Variants in COL24A1 observed in about 807,000 individuals in gnomAD.
The protein encoded by COL24A1 is collagen type XXIV alpha 1 chain, also known as collagen alpha-1(XXIV) chain.
In COL24A1, 224 loss-of-function variants were observed where a neutral mutation model predicts 253.9. The ratio of observed to expected loss-of-function variants is 0.88; its 90% confidence interval spans 0.79 to 0.99. The LOEUF (loss-of-function observed/expected upper bound fraction) is 0.99, where lower values mean the gene tolerates loss of function less well. COL24A1 is among the 50% of genes least tolerant of loss of function. COL24A1 has a pLI of 0.00. For synonymous variants in COL24A1, 685 were observed against 673.7 expected, an observed-to-expected ratio of 1.02 and a Z score of -0.26; for missense variants, 2,131 against 2,068.5, an observed-to-expected ratio of 1.03 and a Z score of -0.59.
At chr1:85,859,220 A>G (rs971112123) in intron 37 of COL24A1, among the ~76,000 whole-genome samples, 3 of 152,210 alleles carry the variant, frequency 2.0e-5, no homozygotes, top group Non-Finnish European at 4.4e-5. Flanking sequence ...GAATGAATAA[A>G]TGAATGACAG....
intron 20 of COL24A1, among the ~76,000 whole-genome samples, chr1:85,973,029 A>G (rs964693539): frequency 6.6e-6 from 1 of 152,220 alleles, no homozygotes; most frequent in Non-Finnish European, 1.5e-5. Context: ...ACTTACTGAA[A>G]TAATCCTGAT....
intron 28 of COL24A1, among the ~76,000 whole-genome samples, chr1:85,899,319 G>A (rs1232972293): frequency 6.6e-6 from 1 of 152,148 alleles, no homozygotes; most frequent in African/African-American, 2.4e-5. Flanking sequence ...TTGAAAATGT[G>A]TCCACTGGTA....
At chr1:86,086,334 T>G (rs1703062947) in intron 7 of COL24A1, among the ~76,000 whole-genome samples, 1 of 152,112 alleles carries the variant, frequency 6.6e-6, no homozygotes, top group Non-Finnish European at 1.5e-5. Flanking sequence ...CAGCTCCAAG[T>G]TGGCTGACCT....
chr1:85,967,724 A>G (rs1219501187), intron 22 of COL24A1, among the ~76,000 whole-genome samples: 2 of 152,142 alleles, frequency 1.3e-5, no homozygotes, highest in Non-Finnish European at 2.9e-5. Flanking sequence ...ATTCTCATAA[A>G]GATCACGCAA....
chr1:86,154,500 G>T (rs1202144318), intron 1 of COL24A1: 1 of 152,526 alleles, frequency 6.6e-6, no homozygotes, highest in Admixed American at 6.6e-5. Context: ...CCCATTCCAC[G>T]TTTTATAATT....
chr1:86,119,366 G>A (rs1207126138), intron 3 of COL24A1, among the ~76,000 whole-genome samples: 1 of 152,114 alleles, frequency 6.6e-6, no homozygotes, highest in Non-Finnish European at 1.5e-5. Flanking sequence ...TAAGGTTTAA[G>A]GGAATGTGCA....
At chr1:85,960,742 G>A (rs749916052) in intron 24 of COL24A1, 233 of 153,708 alleles carry the variant, frequency 1.5e-3, no homozygotes, top group Non-Finnish European at 2.2e-3. Context: ...AATTAGCTGG[G>A]TGTGGTGGCA....
chr1:85,864,291 A>G (rs1257034582), intron 37 of COL24A1, among the ~76,000 whole-genome samples: 4 of 151,974 alleles, frequency 2.6e-5, no homozygotes, highest in Non-Finnish European at 5.9e-5. Flanking sequence ...TCAGCAAACT[A>G]TCGCAAGGAC....
At chr1:85,768,928 A>G (rs1667665835) in intron 53 of COL24A1, among the ~76,000 whole-genome samples, 2 of 152,252 alleles carry the variant, frequency 1.3e-5, no homozygotes, top group East Asian at 3.9e-4. Flanking sequence ...GTAGGTAGGT[A>G]CTAGGTGGTA....
At chr1:85,804,288 C>T (rs1222688503) in intron 47 of COL24A1, among the ~76,000 whole-genome samples, 4 of 151,974 alleles carry the variant, frequency 2.6e-5, no homozygotes, top group African/African-American at 4.8e-5. Context: ...GGTAGTGATA[C>T]GTTCAACAAA....
At chr1:85,830,088 C>T (rs1181954026) in intron 43 of COL24A1, among the ~76,000 whole-genome samples, 2 of 152,024 alleles carry the variant, frequency 1.3e-5, no homozygotes, top group Non-Finnish European at 2.9e-5. Context: ...TGGTGATGTA[C>T]AGATGGGTTT....
At chr1:85,948,321 G>C (rs1159991755) in intron 24 of COL24A1, among the ~76,000 whole-genome samples, 2 of 151,476 alleles carry the variant, frequency 1.3e-5, no homozygotes, top group Non-Finnish European at 2.9e-5. Flanking sequence ...TCAGGAGATC[G>C]AGACCATCCT....
intron 10 of COL24A1, among the ~76,000 whole-genome samples, chr1:86,052,443 C>T (rs573385777): frequency 6.6e-6 from 1 of 152,030 alleles, no homozygotes; most frequent in African/African-American, 2.4e-5. Context: ...CATAGATGGA[C>T]CTTAAAGACA....
intron 53 of COL24A1, among the ~76,000 whole-genome samples, chr1:85,769,440 G>T (rs982792448): frequency 2.0e-5 from 3 of 151,830 alleles, no homozygotes; most frequent in African/African-American, 7.3e-5. Context: ...TGAAGAACAC[G>T]TGCCAGGCAT....
intron 43 of COL24A1, among the ~76,000 whole-genome samples, chr1:85,824,882 T>C (rs933835630): frequency 2.7e-5 from 4 of 149,456 alleles, no homozygotes; most frequent in Non-Finnish European, 5.9e-5. Context: ...ATTGCATACA[T>C]AGGCTAACAA....
intron 5 of COL24A1, among the ~76,000 whole-genome samples, chr1:86,104,653 C>A (rs115493763): frequency 1.3e-5 from 2 of 152,198 alleles, no homozygotes; most frequent in African/African-American, 4.8e-5. Context: ...GGCCAAGGCT[C>A]AACTCACAAC....
chr1:86,077,229 C>T (rs1702313881), intron 7 of COL24A1, among the ~76,000 whole-genome samples: 1 of 151,966 alleles, frequency 6.6e-6, no homozygotes, highest in African/African-American at 2.4e-5. Context: ...GCAGCCAACA[C>T]ACATATGAAA....
intron 20 of COL24A1, 31 bp downstream of exon 20, chr1:85,987,570 T>G (rs556793484): frequency 1.3e-6 from 2 of 1,583,430 alleles, no homozygotes; most frequent in South Asian, 2.3e-5. Context: ...TAACCATAAT[T>G]GTTTAGTCTC....
intron 10 of COL24A1, among the ~76,000 whole-genome samples, chr1:86,057,096 T>C (rs945229664): frequency 1.3e-5 from 2 of 152,068 alleles, no homozygotes; most frequent in Admixed American, 6.6e-5. Context: ...AGTGACTGGA[T>C]TGGGGGGCGG....
Sources: allele counts gnomAD v4.1 joint callset (sites outside exome capture counted in the v4.1 genomes callset), GRCh38; gene constraint gnomAD v4.1.1; transcripts MANE v1.5; gene names NCBI Gene and HGNC (gene_info 2026-07-23, HGNC 2026-07-21).